The following MAPK10 variants were observed in gnomAD, a reference collection of about 807,000 sequenced individuals.
MAPK10 encodes the protein mitogen-activated protein kinase 10.
MAPK10 carries 25 observed loss-of-function variants against 59.3 expected under a neutral mutation model. The observed-to-expected ratio is 0.42, with a 90% CI of 0.31 to 0.59. The LOEUF (loss-of-function observed/expected upper bound fraction) is 0.59. Among genes scored for constraint, MAPK10 ranks in the 20% least tolerant of loss-of-function variants. MAPK10 has a pLI of 0.15. For missense variants in MAPK10, 351 were observed against 568.9 expected (o/e 0.62, Z 3.90); for synonymous variants, 190 against 200.5 (o/e 0.95, Z 0.44).
intron 1 of MAPK10, among the ~76,000 whole-genome samples, chr4:86,406,274 A>C (rs1234371633): frequency 6.6e-6 from 1 of 152,194 alleles, no homozygotes; most frequent in Non-Finnish European, 1.5e-5. Context: ...CAAATCCTCA[A>C]GGTCCTATTG....
chr4:86,098,369 A>G (rs1481343822), intron 9 of MAPK10, 155 bp downstream of exon 9: 20 of 1,101,532 alleles, frequency 1.8e-5, no homozygotes, highest in Admixed American at 2.8e-5. Context: ...AGTCTTCAGT[A>G]CTGGTCAGAT....
chr4:86,156,398 T>A (rs2067780966), intron 4 of MAPK10, among the ~76,000 whole-genome samples: 1 of 152,056 alleles, frequency 6.6e-6, no homozygotes, highest in Non-Finnish European at 1.5e-5. Context: ...CTTACAGTTT[T>A]CTGTAAATAT....
chr4:86,064,231 T>C, intron 11 of MAPK10, 35 bp downstream of exon 11: 1 of 1,612,692 alleles, frequency 6.2e-7, no homozygotes, highest in Non-Finnish European at 8.5e-7. Context: ...TATGATTTGT[T>C]TGTGGAAGCA....
intron 1 of MAPK10, among the ~76,000 whole-genome samples, chr4:86,395,949 G>A (rs946545577): frequency 6.6e-6 from 1 of 152,208 alleles, no homozygotes; most frequent in Non-Finnish European, 1.5e-5. Context: ...TTCAACATAC[G>A]AATTTTGGGA....
At position 86,017,326 on chromosome 4, in the gene MAPK10, C is replaced by CAGACG; in HGVS notation, c.1292_1296dup (p.Val433ArgfsTer36). The CAGACG allele has an allele frequency of 6.2e-7, 1 of 1,614,162 alleles. No homozygotes were observed. The highest frequency in any genetic ancestry group is 2.2e-5 in the East Asian group (1 of 44,880). On this transcript the variant is annotated frameshift_variant, in exon 14 of 14. Transcript: ENST00000641462. LOFTEE classifies it high-confidence loss of function. This position sits in a 1 kb window ranked among gnomAD's most constrained non-coding sequence, Gnocchi z 4.4. ...GTGGACATGGAGGAGATGTCATTGACAGACGAGGATGGAGGGAGACTCTCA... is the reference window on the plus strand; with the variant it reads ...GTGGACATGGAGGAGATGTCATTGACAGACGAGACGAGGATGGAGGGAGACTCTCA...
At chr4:86,037,144 G>A (rs1376170441) in intron 11 of MAPK10, among the ~76,000 whole-genome samples, 1 of 152,174 alleles carries the variant, frequency 6.6e-6, no homozygotes, top group Non-Finnish European at 1.5e-5. Context: ...TATGGATTCT[G>A]TGGGCATTCT....
At chr4:86,041,911 T>C (rs1356717418) in intron 11 of MAPK10, among the ~76,000 whole-genome samples, 2 of 152,254 alleles carry the variant, frequency 1.3e-5, no homozygotes, top group African/African-American at 4.8e-5. Context: ...AATGTAGTGA[T>C]TCCTCAAAGA....
rs114554465 is a variant in MAPK10 at position 86,069,715 on chromosome 4, G to C, written c.803-1760C>G. ...CCTACCAAGCTATCATTTCATCATT[G>C]ATCAAACTTCCTCAAAATTCTAACC... is the stretch of plus-strand genomic sequence containing the variant. On this transcript the variant is annotated intron_variant, in intron 9 of 13. Coordinates refer to ENST00000641462, the MANE Select transcript of MAPK10 (RefSeq NM_138982.4). 3.2e-3 allele frequency among the ~76,000 whole-genome samples: 489 copies of C among 152,088 alleles called. 3 individuals are homozygous for C. The highest frequency in any genetic ancestry group is 0.021 in the South Asian group (100 of 4,820).
At chr4:86,502,317 C>T (rs954733210) in intron 1 of MAPK10, among the ~76,000 whole-genome samples, 1 of 151,998 alleles carries the variant, frequency 6.6e-6, no homozygotes, top group Non-Finnish European at 1.5e-5. Context: ...CAGCATCCCC[C>T]AACTCGCTCC....
At chr4:86,310,793 T>C (rs2095653419) in intron 2 of MAPK10, among the ~76,000 whole-genome samples, 2 of 152,110 alleles carry the variant, frequency 1.3e-5, no homozygotes, top group Admixed American at 6.5e-5. Flanking sequence ...GATTTAGTGG[T>C]TTTTTTCTTC....
At chr4:86,259,289 A>C (rs1238489126) in intron 2 of MAPK10, among the ~76,000 whole-genome samples, 1 of 152,114 alleles carries the variant, frequency 6.6e-6, no homozygotes, top group Non-Finnish European at 1.5e-5. Flanking sequence ...TCTTTCTCTT[A>C]AATCCCAAAT....
intron 1 of MAPK10, among the ~76,000 whole-genome samples, chr4:86,558,258 T>C (rs565882983): frequency 6.6e-6 from 1 of 152,304 alleles, no homozygotes; most frequent in East Asian, 1.9e-4. Flanking sequence ...CAAGAAAGTA[T>C]ATTCTTATTT....
chr4:86,528,769 C>T (rs2149090464), intron 1 of MAPK10, among the ~76,000 whole-genome samples: 1 of 152,268 alleles, frequency 6.6e-6, no homozygotes, highest in African/African-American at 2.4e-5. Flanking sequence ...GAACGGTAAC[C>T]CCCCAAATAT....
chr4:86,557,435 T>A (rs1760353377), intron 1 of MAPK10, among the ~76,000 whole-genome samples: 1 of 152,080 alleles, frequency 6.6e-6, no homozygotes, highest in Admixed American at 6.5e-5. Flanking sequence ...TGTATTTTTT[T>A]AAAATCTAAG....
Position 86,047,058 on chromosome 4 carries a change from T to C in MAPK10, c.1111-15627A>G, listed in dbSNP as rs200328855. 8.5e-5 allele frequency among the ~76,000 whole-genome samples: 13 copies of C among 152,240 alleles called. No individual in the cohort carries two copies. The East Asian group carries it at 2.5e-3, about 29-fold the overall frequency. ...AGTTTTTTTCTTTTTGTTTTTGTTTTACTTTTTAAACTATTATTAGTATTA... is the reference window on the plus strand; with the variant it reads ...AGTTTTTTTCTTTTTGTTTTTGTTTCACTTTTTAAACTATTATTAGTATTA... On this transcript the variant is annotated intron_variant, in intron 11 of 13. Transcript: ENST00000641462.
chr4:86,203,780 C>A (rs2149336317), intron 2 of MAPK10, among the ~76,000 whole-genome samples: 1 of 151,190 alleles, frequency 6.6e-6, no homozygotes, highest in Admixed American at 6.6e-5. Context: ...CAAAAGGATT[C>A]TCCCTATAAT....
chr4:86,509,800 T>G (rs1756078163), intron 1 of MAPK10, among the ~76,000 whole-genome samples: 1 of 152,244 alleles, frequency 6.6e-6, no homozygotes, highest in Non-Finnish European at 1.5e-5. Context: ...TTGTCAAAAA[T>G]ACAATTTGGG....
At chr4:86,190,179 G>A (rs2079336315) in intron 3 of MAPK10, among the ~76,000 whole-genome samples, 1 of 152,112 alleles carries the variant, frequency 6.6e-6, no homozygotes, top group Non-Finnish European at 1.5e-5. Flanking sequence ...TTACATTGAT[G>A]TTCATCAGGG....
chr4:86,259,449 ACTATTT>A (rs2093894606), intron 2 of MAPK10, among the ~76,000 whole-genome samples: 1 of 152,130 alleles, frequency 6.6e-6, no homozygotes, highest in Non-Finnish European at 1.5e-5. Context: ...TCTGTAAAGT[ACTATTT>A]CTAAGTTAAA....
Sources: allele counts gnomAD v4.1 joint callset (sites outside exome capture counted in the v4.1 genomes callset), GRCh38; gene constraint gnomAD v4.1.1; non-coding constraint Gnocchi (gnomAD v3.1); transcripts MANE v1.5; gene names NCBI Gene and HGNC (gene_info 2026-07-23, HGNC 2026-07-21).